ACSM4: variants seen among roughly 807,000 people sequenced by gnomAD.
The protein encoded by ACSM4 is acyl-coenzyme A synthetase ACSM4, mitochondrial.
In ACSM4, 66 loss-of-function variants were observed where a neutral mutation model predicts 73.0. The observed-to-expected ratio is 0.90, with a 90% CI of 0.74 to 1.11. The LOEUF (loss-of-function observed/expected upper bound fraction) is 1.11. ACSM4 is among the 50% of genes least tolerant of loss of function. The pLI is 0.00. For synonymous variants in ACSM4, 222 were observed against 254.0 expected (o/e 0.87, Z 1.20); for missense variants, 645 against 714.4 (o/e 0.90, Z 1.11).
Position 7,318,083 on chromosome 12 carries a change from G to A in ACSM4, c.822G>A (p.Trp274Ter), listed in dbSNP as rs1402502912. The change falls in exon 5 of 13, where the codon TGG (tryptophan) becomes TGA (stop). Residue 274 changes from tryptophan (W) to a stop codon, truncating the protein, a stop_gained. Coordinates refer to ENST00000399422, the MANE Select transcript of ACSM4 (RefSeq NM_001080454.2). LOFTEE classifies it high-confidence loss of function. ...DIIWNMSDTG[W>*]VKAAIGSVFS... ...TATGGAATATGTCTGACACGGGCTG[G>A]GTCAAGGCCGCCATTGGCAGTGTGT... 6.2e-7 allele frequency: 1 copy of A among 1,613,784 alleles called. No homozygotes were observed. Among genetic ancestry groups the A allele is most frequent in the Non-Finnish European group, 8.5e-7 (1 of 1,179,818 alleles).
In ACSM4 at chr12:7,310,692, TC is replaced by T; in HGVS notation, c.568del (p.Leu190TrpfsTer35). The T allele has an allele frequency of 6.2e-7, 1 of 1,613,506 alleles. No homozygotes were observed. Among genetic ancestry groups the T allele is most frequent in the South Asian group, 1.1e-5 (1 of 90,972 alleles). On this transcript the variant is annotated frameshift_variant, in exon 3 of 13. Coordinates refer to ENST00000399422, the MANE Select transcript of ACSM4 (RefSeq NM_001080454.2). LOFTEE classifies it high-confidence loss of function. ...GAGTGTCCTGACCTTAAGACAAAAC[TC>T]CTGGTGTCTCCACAAAGCTGGAATG... ...VLECPDLKTK[L>X]LVSPQSWNGW...
chr12:7,313,319 CTTAT>C (rs928731473), intron 3 of ACSM4, among the ~76,000 whole-genome samples: 10 of 152,068 alleles, frequency 6.6e-5, no homozygotes, highest in African/African-American at 1.9e-4. Context: ...GGAAAAAATC[CTTAT>C]TTAAACAAAT....
intron 4 of ACSM4, 60 bp from the exon 5 acceptor site, chr12:7,317,966 A>G: frequency 6.4e-7 from 1 of 1,566,392 alleles, no homozygotes; most frequent in Non-Finnish European, 8.7e-7. Flanking sequence ...GAAAGATACC[A>G]GTTTGTAATT....
rs772162110 is a variant in ACSM4, at chr12:7,304,348, G to T, written c.17G>T (p.Arg6Leu). MKIFF[R>L]YQTFRFIWLT... ...TTGGGAACCATGAAGATTTTTTTCC[G>T]CTACCAGACATTTAGATTCATCTGG... The change falls in exon 1 of 13, where the codon CGC becomes CTC. Residue 6 changes from arginine (R) to leucine (L), a missense_variant. Physicochemically the swap from Arg to Leu is moderately radical, Grantham distance 102. Transcript: ENST00000399422. 2 of 1,613,682 alleles carry T rather than the reference G, an allele frequency of 1.2e-6. No individual in the cohort carries two copies. Among genetic ancestry groups the T allele is most frequent in the Middle Eastern group, 3.3e-4 (2 of 6,056 alleles).
At chr12:7,310,891 T>A in intron 3 of ACSM4, 145 bp downstream of exon 3, 1 of 893,988 alleles carries the variant, frequency 1.1e-6, no homozygotes, top group Non-Finnish European at 1.7e-6. Flanking sequence ...AATAGCTGGG[T>A]GCGCTGGCTC....
intron 7 of ACSM4, 111 bp from the exon 8 acceptor site, chr12:7,323,123 C>A: frequency 2.1e-6 from 2 of 940,448 alleles, no homozygotes; most frequent in Non-Finnish European, 3.2e-6. Flanking sequence ...TCAGAAGGTG[C>A]GCCTGCATAC....
In ACSM4 at chr12:7,317,245, G is replaced by A; in HGVS notation, c.729G>A (p.Gln243=). Residue 243 remains glutamine, a synonymous_variant, in exon 4 of 13, where the codon CAG becomes CAA. Coordinates refer to ENST00000399422, the MANE Select transcript of ACSM4 (RefSeq NM_001080454.2). Reference sequence around the variant, plus strand: ...TTCCTAAAATGGCCCAGCACTCTCAGAGCAGCCTCGGCATTGGGTTCACCC... The same window carrying A: ...TTCCTAAAATGGCCCAGCACTCTCAAAGCAGCCTCGGCATTGGGTTCACCC... ...TGFPKMAQHS[Q]SSLGIGFTLC... The A allele has an allele frequency of 6.3e-7, 1 of 1,592,276 alleles. No individual in the cohort carries two copies.
At chr12:7,318,699 G>C (rs1397368487) in intron 5 of ACSM4, among the ~76,000 whole-genome samples, 2 of 151,986 alleles carry the variant, frequency 1.3e-5, no homozygotes, top group African/African-American at 4.8e-5. Flanking sequence ...TCTCAACCAG[G>C]GACAGCTAGA....
At chr12:7,315,596 A>T (rs1373508499) in intron 3 of ACSM4, among the ~76,000 whole-genome samples, 1 of 152,168 alleles carries the variant, frequency 6.6e-6, no homozygotes, top group African/African-American at 2.4e-5. Context: ...TGGGCGACAG[A>T]GTGAGACTCC....
intron 7 of ACSM4, among the ~76,000 whole-genome samples, chr12:7,323,014 T>C (rs73059705): frequency 0.16 from 24,982 of 152,188 alleles, 2,589 homozygotes; most frequent in Admixed American, 0.28. Context: ...AACTCTGGGA[T>C]AAGGCCCATC....
rs1276104538 is a variant in ACSM4, at chr12:7,328,464, T to C, written c.*91T>C. ...ATTCAGCGACTACTCTCTTAAAATG[T>C]TTAAGATCTTTCCTGCTTGAAAACT... On this transcript the variant is annotated 3_prime_UTR_variant, in exon 13 of 13. Coordinates refer to ENST00000399422, the MANE Select transcript of ACSM4 (RefSeq NM_001080454.2). 15 of 995,900 alleles carry C rather than the reference T, an allele frequency of 1.5e-5. No individual in the cohort carries two copies. The highest frequency in any genetic ancestry group is 1.9e-5 in the Non-Finnish European group (14 of 728,916). 61.7% of individuals were successfully genotyped at this position (995,900 alleles called of 1,614,324 possible).
intron 1 of ACSM4, 90 bp from the exon 2 acceptor site, chr12:7,306,443 A>T: frequency 2.4e-6 from 3 of 1,260,920 alleles, no homozygotes; most frequent in East Asian, 2.5e-5. Flanking sequence ...CACCAGAACC[A>T]GTGCCAAAGG....
intron 3 of ACSM4, among the ~76,000 whole-genome samples, chr12:7,315,852 T>C (rs779087469): frequency 3.9e-5 from 6 of 152,158 alleles, no homozygotes; most frequent in Non-Finnish European, 8.8e-5. Flanking sequence ...TGGGTTCACC[T>C]TTAAGTCAGG....
Position 7,310,555 on chromosome 12 carries a change from G to C in ACSM4, c.429G>C (p.Pro143=). ...ACIRTGIIFM[P]GTIQLTAKDI... ...CCTTCCCAGGGATCATCTTCATGCC[G>C]GGAACAATCCAGCTGACAGCAAAAG... is the stretch of plus-strand genomic sequence containing the variant. The change falls in exon 3 of 13, where the codon CCG becomes CCC. Residue 143 remains proline, a synonymous_variant. Transcript: ENST00000399422. The C allele has an allele frequency of 6.2e-7, 1 of 1,607,222 alleles. No homozygotes were observed. The highest frequency in any genetic ancestry group is 8.5e-7 in the Non-Finnish European group (1 of 1,177,778).
intron 2 of ACSM4, among the ~76,000 whole-genome samples, chr12:7,309,787 CTTGT>C (rs1019082099): frequency 1.3e-5 from 2 of 151,788 alleles, no homozygotes; most frequent in African/African-American, 2.4e-5. Context: ...GTTTTTTTCT[CTTGT>C]TTGTTTGTTT....
At chr12:7,323,671 G>A (rs917194976) in intron 9 of ACSM4, 111 bp downstream of exon 9, 4 of 889,328 alleles carry the variant, frequency 4.5e-6, no homozygotes, top group African/African-American at 3.3e-5. Flanking sequence ...TTTCACAACT[G>A]TAAAATGGGG....
At chr12:7,326,291 A>G (rs912004374) in intron 11 of ACSM4, among the ~76,000 whole-genome samples, 1 of 152,050 alleles carries the variant, frequency 6.6e-6, no homozygotes, top group Admixed American at 6.6e-5. Context: ...TAACCTCTCA[A>G]ACTGCTGGGC....
chr12:7,314,788 A>G (rs1376784879), intron 3 of ACSM4, among the ~76,000 whole-genome samples: 1 of 152,244 alleles, frequency 6.6e-6, no homozygotes, highest in African/African-American at 2.4e-5. Flanking sequence ...CACTGTATAC[A>G]TACACTGAAA....
rs1044057988 is a variant in ACSM4 at position 7,322,619 on chromosome 12, G to GC, written c.1125+83dup. On this transcript the variant is annotated intron_variant, in intron 7 of 12. Transcript: ENST00000399422. ...GGTTTTTCAACTGAGCCCCTGAAGT[G>GC]CCCCCATCCCACTGTAAATTTTTAT... is the stretch of plus-strand genomic sequence containing the variant. The GC allele has an allele frequency of 5.3e-6, 8 of 1,502,838 alleles. No individual in the cohort carries two copies. In the African/African-American group the frequency reaches 1.1e-4, roughly 21 times the overall value. The allele number at this position is 1,502,838 out of a possible 1,614,324, so 93.1% of individuals were successfully genotyped here.
Sources: gnomAD v4.1 joint callset for allele counts (sites outside exome capture counted in the v4.1 genomes callset) on GRCh38, gnomAD v4.1.1 for gene constraint, MANE v1.5 for transcripts, NCBI Gene and HGNC (gene_info 2026-07-23, HGNC 2026-07-21) for gene names.